Variants in EYA3 observed in about 807,000 individuals in gnomAD.
The protein encoded by EYA3 is protein phosphatase EYA3.
In EYA3, 39 loss-of-function variants were observed where a neutral mutation model predicts 80.0. The ratio of observed to expected loss-of-function variants is 0.49; its 90% CI spans 0.38 to 0.64. EYA3 has a LOEUF of 0.64. EYA3 is among the 30% of genes least tolerant of loss of function. The pLI, the probability that EYA3 is intolerant of heterozygous loss-of-function variation, is 0.00. For synonymous variants in EYA3, 206 were observed against 232.8 expected (o/e 0.88, Z 1.05); for missense variants, 523 against 676.1 (o/e 0.77, Z 2.51).
At chr1:28,074,667 G>C (rs1645142122) in intron 1 of EYA3, among the ~76,000 whole-genome samples, 2 of 152,030 alleles carry the variant, frequency 1.3e-5, no homozygotes, top group Admixed American at 6.6e-5. Flanking sequence ...TAATACTAAA[G>C]TCTAACATTT....
chr1:28,044,905 G>T (rs1643946027), intron 3 of EYA3, among the ~76,000 whole-genome samples: 1 of 151,952 alleles, frequency 6.6e-6, no homozygotes, highest in African/African-American at 2.4e-5. Context: ...CGAAGTAGCT[G>T]GGACTACAGG....
intron 2 of EYA3, among the ~76,000 whole-genome samples, chr1:28,052,759 T>C (rs1364524685): frequency 6.6e-6 from 1 of 151,644 alleles, no homozygotes; most frequent in Non-Finnish European, 1.5e-5. Flanking sequence ...CTGGCCAAGA[T>C]GGTGAAACCC....
At chr1:28,036,897 A>G (rs1003326406) in intron 5 of EYA3, among the ~76,000 whole-genome samples, 1 of 152,168 alleles carries the variant, frequency 6.6e-6, no homozygotes, top group Non-Finnish European at 1.5e-5. Context: ...GAAAGGCCAT[A>G]AAGAAGTGAT....
chr1:27,983,374 A>G (rs1433564858), intron 16 of EYA3, among the ~76,000 whole-genome samples: 1 of 152,198 alleles, frequency 6.6e-6, no homozygotes, highest in Non-Finnish European at 1.5e-5. Flanking sequence ...ACGTTCTCCA[A>G]AGCAGGTTAT....
chr1:28,019,141 G>C (rs1642260804), intron 7 of EYA3, among the ~76,000 whole-genome samples: 1 of 152,058 alleles, frequency 6.6e-6, no homozygotes, highest in African/African-American at 2.4e-5. Flanking sequence ...ACTCCAGCCT[G>C]GGCGACAGAG....
intron 13 of EYA3, among the ~76,000 whole-genome samples, chr1:27,994,201 G>C (rs534937232): frequency 2.0e-5 from 3 of 152,256 alleles, no homozygotes; most frequent in East Asian, 1.9e-4. Context: ...CTCTCTCTTG[G>C]AGCACTTGCT....
chr1:27,987,591 C>T (rs569798620), intron 16 of EYA3, among the ~76,000 whole-genome samples: 3 of 152,276 alleles, frequency 2.0e-5, no homozygotes, highest in African/African-American at 7.2e-5. Context: ...CCTGGGACTA[C>T]AGGTATGCAC....
chr1:28,038,439 T>TGAAA (rs1643576322), intron 5 of EYA3, among the ~76,000 whole-genome samples: 1 of 68,480 alleles, frequency 1.5e-5, no homozygotes, highest in Admixed American at 1.6e-4. Flanking sequence ...GATTCTATCT[T>TGAAA]AAAAAAAAAA....
chr1:28,019,713 C>CT (rs551255139), intron 7 of EYA3, among the ~76,000 whole-genome samples: 147 of 151,452 alleles, frequency 9.7e-4, no homozygotes, highest in Non-Finnish European at 1.7e-3. Context: ...TCCTTTTTTT[C>CT]TTTTTTTTGA....
intron 3 of EYA3, among the ~76,000 whole-genome samples, chr1:28,043,109 C>T (rs966940315): frequency 6.6e-5 from 10 of 152,250 alleles, no homozygotes; most frequent in African/African-American, 1.9e-4. Context: ...TCCCAAAGTG[C>T]TGGGATTACA....
intron 1 of EYA3, among the ~76,000 whole-genome samples, chr1:28,070,611 T>C (rs1252361374): frequency 7.0e-6 from 1 of 143,638 alleles, no homozygotes; most frequent in Non-Finnish European, 1.6e-5. Context: ...CAACTGTACA[T>C]ACAGCTGAAA....
intron 6 of EYA3, 78 bp downstream of exon 6, chr1:28,035,466 G>A: frequency 6.7e-7 from 1 of 1,501,600 alleles, no homozygotes; most frequent in South Asian, 1.3e-5. Flanking sequence ...GCTTTGTAAA[G>A]AATGATGCAT....
chr1:28,048,025 TTTTA>T (rs964681413), intron 3 of EYA3, among the ~76,000 whole-genome samples: 1 of 152,182 alleles, frequency 6.6e-6, no homozygotes, highest in Non-Finnish European at 1.5e-5. Context: ...ATCTCTTGGA[TTTTA>T]TTTATTTCGC....
intron 1 of EYA3, among the ~76,000 whole-genome samples, chr1:28,063,682 A>ATAC (rs1354299568): frequency 6.6e-6 from 1 of 152,148 alleles, no homozygotes; most frequent in African/African-American, 2.4e-5. Flanking sequence ...TCCAATAATA[A>ATAC]TAATGTGCAA....
chr1:28,011,230 T>C (rs1028064111), intron 9 of EYA3, 144 bp from the exon 10 acceptor site: 6 of 832,676 alleles, frequency 7.2e-6, no homozygotes, highest in South Asian at 5.7e-5. Flanking sequence ...TAAGCAATTA[T>C]GAAGTGTACA....
chr1:28,001,458 A>AT (rs969105964), intron 11 of EYA3, among the ~76,000 whole-genome samples: 7 of 143,684 alleles, frequency 4.9e-5, no homozygotes, highest in East Asian at 2.0e-4. Flanking sequence ...AATATATAAA[A>AT]TTTTTTTTTG....
chr1:28,031,616 T>C (rs1571850468), intron 6 of EYA3, among the ~76,000 whole-genome samples: 1 of 152,194 alleles, frequency 6.6e-6, no homozygotes, highest in Admixed American at 6.5e-5. Flanking sequence ...GTTCAATTTA[T>C]AGTAACTCGT....
intron 1 of EYA3, among the ~76,000 whole-genome samples, chr1:28,066,640 A>C (rs1644846048): frequency 6.6e-6 from 1 of 152,186 alleles, no homozygotes; most frequent in Non-Finnish European, 1.5e-5. Context: ...AAAAGAGATG[A>C]ATTTATGGTC....
At chr1:28,042,856 T>C (rs1643862909) in intron 3 of EYA3, among the ~76,000 whole-genome samples, 1 of 152,124 alleles carries the variant, frequency 6.6e-6, no homozygotes, top group Non-Finnish European at 1.5e-5. Flanking sequence ...CTCTTTCTTT[T>C]TTTTTTGAGA....
Sources: allele counts gnomAD v4.1 joint callset (sites outside exome capture counted in the v4.1 genomes callset), GRCh38; gene constraint gnomAD v4.1.1; transcripts MANE v1.5; gene names NCBI Gene and HGNC (gene_info 2026-07-23, HGNC 2026-07-21).